Variants in IL1RAPL2 observed in about 807,000 individuals in gnomAD.
The protein encoded by IL1RAPL2 is interleukin 1 receptor accessory protein like 2, also known as X-linked interleukin-1 receptor accessory protein-like 2.
In IL1RAPL2, 3 loss-of-function variants were observed where a neutral mutation model predicts 44.1. The observed-to-expected ratio is 0.07, with a 90% CI of 0.03 to 0.18. IL1RAPL2 has a LOEUF of 0.18. Among genes scored for constraint, IL1RAPL2 ranks in the 10% least tolerant of loss-of-function variants. IL1RAPL2 has a pLI of 1.00. For synonymous variants in IL1RAPL2, 181 were observed against 178.8 expected, an observed-to-expected ratio of 1.01 and a Z score of -0.10; for missense variants, 391 against 496.4, an observed-to-expected ratio of 0.79 and a Z score of 2.02.
chrX:105,059,279 A>C (rs2032040934), intron 2 of IL1RAPL2, among the ~76,000 whole-genome samples: 1 of 111,629 alleles, frequency 9.0e-6, no homozygotes, highest in Non-Finnish European at 1.9e-5. Flanking sequence ...CACCCCCAGT[A>C]CCCTTCAGAG....
intron 6 of IL1RAPL2, among the ~76,000 whole-genome samples, chrX:105,677,471 A>G (rs1426269568): frequency 8.9e-6 from 1 of 112,564 alleles, no homozygotes; most frequent in Non-Finnish European, 1.9e-5. Context: ...GAACAAACAA[A>G]GAGAAATACT....
At chrX:104,906,015 T>G (rs1003391247) in intron 2 of IL1RAPL2, among the ~76,000 whole-genome samples, 2 of 109,945 alleles carry the variant, frequency 1.8e-5, no homozygotes, top group Admixed American at 1.9e-4. Flanking sequence ...GAAGAGGTCC[T>G]TCACATCCCT....
chrX:104,772,342 C>A (rs1450962638), intron 2 of IL1RAPL2, among the ~76,000 whole-genome samples: 1 of 112,236 alleles, frequency 8.9e-6, no homozygotes, highest in Admixed American at 9.4e-5. Flanking sequence ...GGCAGTATCA[C>A]AATTTGTTTT....
chrX:105,478,367 C>T (rs1199662328), intron 5 of IL1RAPL2, among the ~76,000 whole-genome samples: 2 of 110,505 alleles, frequency 1.8e-5, no homozygotes, highest in East Asian at 5.7e-4. Flanking sequence ...AATGTTATCT[C>T]GCTGAGGTTG....
At chrX:105,564,632 G>A (rs918606715) in intron 6 of IL1RAPL2, among the ~76,000 whole-genome samples, 15 of 111,693 alleles carry the variant, frequency 1.3e-4, no homozygotes. Context: ...AACACTGTGG[G>A]ATTGTCAAAA....
intron 6 of IL1RAPL2, among the ~76,000 whole-genome samples, chrX:105,624,580 G>T (rs1324496175): frequency 9.0e-6 from 1 of 111,292 alleles, no homozygotes; most frequent in African/African-American, 3.3e-5. Flanking sequence ...TTGAAGAAAA[G>T]GCTATTCAGT....
intron 3 of IL1RAPL2, among the ~76,000 whole-genome samples, chrX:105,228,858 T>C (rs1213352702): frequency 1.8e-5 from 2 of 112,190 alleles, no homozygotes; most frequent in East Asian, 5.6e-4. Flanking sequence ...TTGTCCTCTC[T>C]GTGTCTATGT....
intron 2 of IL1RAPL2, among the ~76,000 whole-genome samples, chrX:104,993,165 CAT>C (rs2030693318): frequency 9.0e-6 from 1 of 111,328 alleles, no homozygotes; most frequent in Admixed American, 9.5e-5. Flanking sequence ...ATAAGTAAAA[CAT>C]ATATAAATTA....
At chrX:105,443,186 A>T (rs192128400) in intron 5 of IL1RAPL2, among the ~76,000 whole-genome samples, 95 of 111,782 alleles carry the variant, frequency 8.5e-4, no homozygotes, top group African/African-American at 2.9e-3. Context: ...GTTTCAATTG[A>T]TTTCTTTTTA....
chrX:105,568,792 C>T, intron 6 of IL1RAPL2, among the ~76,000 whole-genome samples: 1 of 111,946 alleles, frequency 8.9e-6, no homozygotes, highest in African/African-American at 3.2e-5. Flanking sequence ...TGAATTCTCA[C>T]TTTCCATTAC....
intron 5 of IL1RAPL2, among the ~76,000 whole-genome samples, chrX:105,365,153 A>C (rs773505345): frequency 9.6e-4 from 107 of 111,654 alleles, no homozygotes; most frequent in Non-Finnish European, 1.8e-3. Flanking sequence ...ATCTATTGAG[A>C]TGATCATGTG....
At chrX:104,775,844 G>A (rs2147599762) in intron 2 of IL1RAPL2, among the ~76,000 whole-genome samples, 1 of 110,236 alleles carries the variant, frequency 9.1e-6, no homozygotes, top group Non-Finnish European at 1.9e-5. Context: ...CATGCCATAA[G>A]TAAAAGGGTT....
chrX:104,942,987 G>A (rs1459589437), intron 2 of IL1RAPL2, among the ~76,000 whole-genome samples: 1 of 111,459 alleles, frequency 9.0e-6, no homozygotes, highest in Non-Finnish European at 1.9e-5. Flanking sequence ...TTTATATGGT[G>A]GATTACATTT....
chrX:105,454,866 G>A (rs1773068478), intron 5 of IL1RAPL2, among the ~76,000 whole-genome samples: 1 of 90,126 alleles, frequency 1.1e-5, no homozygotes, highest in African/African-American at 4.4e-5. Flanking sequence ...CCTATCCCCA[G>A]CAACCCCTAT....
intron 5 of IL1RAPL2, among the ~76,000 whole-genome samples, chrX:105,479,255 G>A (rs1192738960): frequency 1.8e-5 from 2 of 111,655 alleles, no homozygotes; most frequent in Admixed American, 1.9e-4. Context: ...TTTGTAAAAT[G>A]TAATATAAAA....
intron 2 of IL1RAPL2, among the ~76,000 whole-genome samples, chrX:105,083,185 G>A (rs1253248417): frequency 9.0e-6 from 1 of 110,703 alleles, no homozygotes; most frequent in Non-Finnish European, 1.9e-5. Flanking sequence ...AATCGATCAA[G>A]CAGAAGAAAA....
At chrX:105,728,432 G>A (rs748132795) in intron 7 of IL1RAPL2, among the ~76,000 whole-genome samples, 2 of 111,807 alleles carry the variant, frequency 1.8e-5, no homozygotes, top group East Asian at 5.7e-4. Context: ...CATGCTAGTT[G>A]CTAGTGGTAC....
intron 6 of IL1RAPL2, among the ~76,000 whole-genome samples, chrX:105,499,525 A>T (rs1343070530): frequency 8.9e-6 from 1 of 112,067 alleles, no homozygotes; most frequent in Non-Finnish European, 1.9e-5. Context: ...TATCTGAGTA[A>T]CTCCTACAAC....
At chrX:104,579,031 CAT>C (rs979634468) in intron 1 of IL1RAPL2, among the ~76,000 whole-genome samples, 11 of 111,409 alleles carry the variant, frequency 9.9e-5, no homozygotes, top group African/African-American at 2.9e-4. Flanking sequence ...GAAATATGAA[CAT>C]ATTGTTTATA....
Sources: allele counts gnomAD v4.1 joint callset (sites outside exome capture counted in the v4.1 genomes callset), GRCh38; gene constraint gnomAD v4.1.1; transcripts MANE v1.5; gene names NCBI Gene and HGNC (gene_info 2026-07-23, HGNC 2026-07-21).